ATP9A: variants seen among roughly 807,000 people sequenced by gnomAD.
The protein encoded by ATP9A is probable phospholipid-transporting ATPase IIA.
ATP9A carries 52 observed loss-of-function variants against 144.1 expected under a neutral mutation model. That is an observed-to-expected ratio of 0.36 (90% CI 0.29 to 0.45). The LOEUF (loss-of-function observed/expected upper bound fraction) is 0.45. Among genes scored for constraint, ATP9A ranks in the 20% least tolerant of loss-of-function variants. The pLI is 1.00. For synonymous variants in ATP9A, 582 were observed against 557.4 expected, an observed-to-expected ratio of 1.04 and a Z score of -0.62; for missense variants, 947 against 1,392.7, an observed-to-expected ratio of 0.68 and a Z score of 5.09.
intron 1 of ATP9A, among the ~76,000 whole-genome samples, chr20:51,754,835 C>T (rs1317734578): frequency 2.0e-5 from 3 of 150,646 alleles, no homozygotes; most frequent in African/African-American, 7.3e-5. Flanking sequence ...ATAAATAAGC[C>T]GGGCATGGTG....
chr20:51,655,170 C>T (rs984001409), intron 14 of ATP9A, among the ~76,000 whole-genome samples: 3 of 151,976 alleles, frequency 2.0e-5, no homozygotes, highest in Non-Finnish European at 4.4e-5. Context: ...GGTAGCAATT[C>T]TTAAAGAATG....
At position 51,611,162 on chromosome 20, in the gene ATP9A, G is replaced by GC. The variant is rs2077183500; in HGVS notation, c.2572-998dup. Among the ~76,000 whole-genome samples, 1 of 152,198 alleles carries GC rather than the reference G, an allele frequency of 6.6e-6. No individual in the cohort carries two copies. The stretch of plus-strand genomic sequence containing the variant: ...AGAGATACCCTAGTCATTAGAAATA[G>GC]CATCAGACCAGGGCTAGCTCCCCAG... On this transcript the variant is annotated intron_variant, in intron 23 of 27. Coordinates refer to ENST00000338821, the MANE Select transcript of ATP9A (RefSeq NM_006045.3). The surrounding 1 kb of genome is among the most constrained non-coding windows in gnomAD (Gnocchi z 4.2).
chr20:51,738,853 C>A (rs1344728346), intron 1 of ATP9A, among the ~76,000 whole-genome samples: 1 of 152,140 alleles, frequency 6.6e-6, no homozygotes, highest in Non-Finnish European at 1.5e-5. Flanking sequence ...GAGGCCAAGG[C>A]GGGTAGATCA....
chr20:51,617,726 C>T (rs2077209039), intron 21 of ATP9A, among the ~76,000 whole-genome samples, 172 bp from the exon 22 acceptor site: 1 of 152,342 alleles, frequency 6.6e-6, no homozygotes. Context: ...GTTTCACAGG[C>T]AGAGTGGCTG....
intron 13 of ATP9A, among the ~76,000 whole-genome samples, chr20:51,659,435 G>A (rs2077402344): frequency 6.6e-6 from 1 of 152,180 alleles, no homozygotes; most frequent in Non-Finnish European, 1.5e-5. Flanking sequence ...GTCCCAAGGT[G>A]GTGGTAGGGA....
intron 4 of ATP9A, among the ~76,000 whole-genome samples, chr20:51,709,783 A>G (rs563624405): frequency 6.6e-6 from 1 of 152,354 alleles, no homozygotes; most frequent in South Asian, 2.1e-4. Flanking sequence ...GGTTAAGGGC[A>G]TATTGGAATT....
At chr20:51,638,820 T>A (rs893780039) in intron 15 of ATP9A, among the ~76,000 whole-genome samples, 1 of 152,136 alleles carries the variant, frequency 6.6e-6, no homozygotes, top group Non-Finnish European at 1.5e-5. Flanking sequence ...AAATTAAAAA[T>A]TTTTAAAAGA....
At chr20:51,626,820 G>A (rs1221630159) in intron 17 of ATP9A, among the ~76,000 whole-genome samples, 1 of 151,950 alleles carries the variant, frequency 6.6e-6, no homozygotes, top group East Asian at 1.9e-4. Context: ...ACTTTGGGAG[G>A]CCAAGGCTGG....
At chr20:51,740,992 T>C (rs2077782467) in intron 1 of ATP9A, among the ~76,000 whole-genome samples, 1 of 152,290 alleles carries the variant, frequency 6.6e-6, no homozygotes, top group South Asian at 2.1e-4. Context: ...TTCTACCACA[T>C]GTGGCTATTT....
chr20:51,640,521 A>G (rs2077314375), intron 14 of ATP9A, among the ~76,000 whole-genome samples: 1 of 152,192 alleles, frequency 6.6e-6, no homozygotes, highest in African/African-American at 2.4e-5. Context: ...CAGTTAATGA[A>G]GTTGCCCAAG....
rs1160621288 is a variant in ATP9A, at chr20:51,598,675, C to T, written c.*2536G>A. On this transcript the variant is annotated 3_prime_UTR_variant, in exon 28 of 28. Coordinates refer to ENST00000338821, the MANE Select transcript of ATP9A (RefSeq NM_006045.3). ...GGCGCCCCTGGGGTTCTCTGCTGGGCTTACAGTCTGATTGTGCAGGTAAAG... is the reference window on the plus strand; with the variant it reads ...GGCGCCCCTGGGGTTCTCTGCTGGGTTTACAGTCTGATTGTGCAGGTAAAG... 1 of 151,972 alleles carries T rather than the reference C, an allele frequency of 6.6e-6. No homozygotes were observed. Among genetic ancestry groups the T allele is most frequent in the Non-Finnish European group, 1.5e-5 (1 of 68,000 alleles). 9.4% of individuals were successfully genotyped at this position (151,972 alleles called of 1,614,324 possible).
rs1344121498 is a variant in ATP9A, at chr20:51,604,817, C to A, written c.3007G>T (p.Asp1003Tyr). ...GGGTTTAAGCATTCAGGGGTCTTAC[C>A]GATGAACTCGTGTAAGAACACCAGG... ...ASLVFLHEFI[D>Y]VYFIATLSFL... Residue 1003 changes from aspartate (D) to tyrosine (Y), a missense_variant and splice_region_variant, in exon 27 of 28, where the codon GAT (aspartate) becomes TAT (tyrosine). Asp to Tyr is a radical substitution (Grantham distance 160). This residue lies in a region of ATP9A where 177 missense variants were observed against 344.9 expected (regional missense o/e 0.51). Transcript: ENST00000338821. The A allele has an allele frequency of 1.3e-6, 2 of 1,494,874 alleles. No homozygotes were observed. Among genetic ancestry groups the A allele is most frequent in the East Asian group, 2.5e-5 (1 of 39,536 alleles). The allele number at this position is 1,494,874 out of a possible 1,614,324, so 92.6% of individuals were successfully genotyped here.
intron 25 of ATP9A, among the ~76,000 whole-genome samples, chr20:51,608,043 CAAAAAAAA>C: frequency 8.6e-6 from 1 of 116,498 alleles, no homozygotes; most frequent in East Asian, 2.3e-4. Flanking sequence ...GAATTAGTCT[CAAAAAAAA>C]AAAAAAAAAG....
chr20:51,689,170 C>T, intron 8 of ATP9A, 31 bp from the exon 9 acceptor site: 1 of 1,604,764 alleles, frequency 6.2e-7, no homozygotes, highest in Admixed American at 1.7e-5. Context: ...ACACGTTCAC[C>T]CCCCAAAGCT....
chr20:51,617,701 G>C (rs1484593544), intron 21 of ATP9A, 147 bp from the exon 22 acceptor site: 18 of 895,538 alleles, frequency 2.0e-5, no homozygotes, highest in South Asian at 1.1e-4. Context: ...CCAACCCCTT[G>C]ACTACCAAGA....
chr20:51,617,341 C>G (rs1478415053), intron 22 of ATP9A, 149 bp downstream of exon 22: 1 of 808,298 alleles, frequency 1.2e-6, no homozygotes, highest in African/African-American at 1.7e-5. Context: ...CTCTATCTTC[C>G]CAGTGACACA....
intron 9 of ATP9A, among the ~76,000 whole-genome samples, chr20:51,681,702 G>A (rs1037409357): frequency 1.3e-5 from 2 of 152,072 alleles, no homozygotes; most frequent in Non-Finnish European, 2.9e-5. Flanking sequence ...GATTACAGGC[G>A]TGAGCCACCG....
chr20:51,751,366 C>G (rs1045583340), intron 1 of ATP9A, among the ~76,000 whole-genome samples: 3 of 147,836 alleles, frequency 2.0e-5, no homozygotes, highest in Admixed American at 6.9e-5. Flanking sequence ...CTCAAGGGAT[C>G]CTCCCACTTC....
chr20:51,604,105 G>C (rs1396903113), intron 27 of ATP9A, among the ~76,000 whole-genome samples: 14 of 152,150 alleles, frequency 9.2e-5, no homozygotes, highest in Admixed American at 9.2e-4. Flanking sequence ...TTTGGGGTGT[G>C]CCTGGGCGTC....
Sources: gnomAD v4.1 joint callset for allele counts (sites outside exome capture counted in the v4.1 genomes callset) on GRCh38, gnomAD v4.1.1 for gene constraint, gnomAD v4.1.1 regional missense constraint, Gnocchi (gnomAD v3.1) non-coding constraint, MANE v1.5 for transcripts, NCBI Gene and HGNC (gene_info 2026-07-23, HGNC 2026-07-21) for gene names.